NETO1: variants seen among roughly 807,000 people sequenced by gnomAD.
NETO1 encodes neuropilin and tolloid-like protein 1.
Under a neutral mutation model 61.3 loss-of-function variants are expected in NETO1, and 26 were observed. The ratio of observed to expected loss-of-function variants is 0.42; its 90% CI spans 0.31 to 0.59. The LOEUF (loss-of-function observed/expected upper bound fraction) is 0.59, where lower values mean the gene tolerates loss of function less well. Among genes scored for constraint, NETO1 ranks in the 20% least tolerant of loss-of-function variants. NETO1 has a pLI of 0.12. For synonymous variants in NETO1, 225 were observed against 225.8 expected, an observed-to-expected ratio of 1.00 and a Z score of 0.03; for missense variants, 531 against 662.8, an observed-to-expected ratio of 0.80 and a Z score of 2.18.
At chr18:72,805,394 T>C (rs919713087) in intron 4 of NETO1, among the ~76,000 whole-genome samples, 7 of 152,010 alleles carry the variant, frequency 4.6e-5, no homozygotes, top group Admixed American at 2.0e-4. Flanking sequence ...ACTAAAAGGG[T>C]TTTTTCTGGT....
chr18:72,756,108 AT>A lies in NETO1; in HGVS notation c.907del (p.Met303CysfsTer36). On this transcript the variant is annotated frameshift_variant, in exon 8 of 11. Coordinates refer to ENST00000327305, the MANE Select transcript of NETO1 (RefSeq NM_138966.5). LOFTEE classifies it high-confidence loss of function. ...EGNTFFCHSNMCINNTLVCNG... is the reference protein window; with the variant it reads ...EGNTFFCHSNXCINNTLVCNG... ...GCAGACCAAAGTATTATTAATACAC[AT>A]GTTACTATGGCAGAAGAATGTGTTG... The A allele has an allele frequency of 6.2e-7, 1 of 1,609,280 alleles. No homozygotes were observed. Among genetic ancestry groups the A allele is most frequent in the Non-Finnish European group, 8.5e-7 (1 of 1,176,050 alleles).
In NETO1 at chr18:72,750,052, T is replaced by G; in HGVS notation, c.1541+10A>C. The G allele has an allele frequency of 1.3e-6, 2 of 1,541,414 alleles. No individual in the cohort carries two copies. The highest frequency in any genetic ancestry group is 1.7e-6 in the Non-Finnish European group (2 of 1,144,194). On this transcript the variant is annotated intron_variant, in intron 9 of 10. Coordinates refer to ENST00000327305, the MANE Select transcript of NETO1 (RefSeq NM_138966.5). ...TTATAGTTGTCATCAAAAAATCTAT[T>G]GATACTGACCGCTGGACGGCTTTAT...
chr18:72,778,142 CCTT>C (rs2071618905), intron 7 of NETO1, among the ~76,000 whole-genome samples: 1 of 152,128 alleles, frequency 6.6e-6, no homozygotes, highest in Non-Finnish European at 1.5e-5. Flanking sequence ...TGGTTTTTCT[CCTT>C]CAACTCATTC....
intron 7 of NETO1, among the ~76,000 whole-genome samples, chr18:72,758,344 A>T (rs1188466923): frequency 6.8e-6 from 1 of 147,692 alleles, no homozygotes; most frequent in African/African-American, 2.5e-5. Context: ...CCAGTTAATT[A>T]GGAGTTAGCC....
intron 7 of NETO1, among the ~76,000 whole-genome samples, chr18:72,776,215 C>T (rs889727630): frequency 6.6e-6 from 1 of 152,104 alleles, no homozygotes; most frequent in African/African-American, 2.4e-5. Flanking sequence ...ACCTGAGGGA[C>T]GTCCTGGCTC....
chr18:72,748,946 A>C, intron 10 of NETO1, 68 bp downstream of exon 10: 1 of 955,390 alleles, frequency 1.0e-6, no homozygotes, highest in Non-Finnish European at 1.7e-6. Flanking sequence ...TCCCTAAAAA[A>C]CTACAAGACA....
At chr18:72,789,837 G>C (rs1318747208) in intron 6 of NETO1, among the ~76,000 whole-genome samples, 1 of 152,114 alleles carries the variant, frequency 6.6e-6, no homozygotes, top group Non-Finnish European at 1.5e-5. Context: ...AAGGGCTCGT[G>C]TGCTTAGATT....
Position 72,830,053 on chromosome 18 carries a change from A to G in NETO1, c.469+28773T>C, listed in dbSNP as rs2073523210. ...AAGATAAAGGGATTTGGGGTGGATC[A>G]TAGTGTGTGTCTGTGAGATTGCCTC... On this transcript the variant is annotated intron_variant, in intron 4 of 10. Transcript: ENST00000327305. This position sits in a 1 kb window ranked among gnomAD's most constrained non-coding sequence, Gnocchi z 4.9. Among the ~76,000 whole-genome samples the G allele has an allele frequency of 6.6e-6, 1 of 152,226 alleles. No individual in the cohort carries two copies. Among genetic ancestry groups the G allele is most frequent in the South Asian group, 2.1e-4 (1 of 4,828 alleles).
intron 7 of NETO1, among the ~76,000 whole-genome samples, chr18:72,758,904 T>C (rs143370903): frequency 4.5e-4 from 68 of 152,236 alleles, no homozygotes; most frequent in Non-Finnish European, 6.8e-4. Context: ...TACATACCTT[T>C]GGCAAAAATA....
intron 4 of NETO1, among the ~76,000 whole-genome samples, chr18:72,808,869 G>A (rs1394256329): frequency 6.6e-6 from 1 of 152,218 alleles, no homozygotes; most frequent in Non-Finnish European, 1.5e-5. Flanking sequence ...CATGGCAAGT[G>A]GAGGATCCAT....
intron 7 of NETO1, among the ~76,000 whole-genome samples, chr18:72,774,285 T>A (rs921685117): frequency 6.6e-6 from 1 of 152,168 alleles, no homozygotes; most frequent in Non-Finnish European, 1.5e-5. Context: ...AAACAAAGAA[T>A]AAGATTGGCT....
intron 6 of NETO1, among the ~76,000 whole-genome samples, chr18:72,784,533 C>A (rs1324462969): frequency 6.6e-6 from 1 of 152,072 alleles, no homozygotes; most frequent in Non-Finnish European, 1.5e-5. Context: ...ATGTACTGTG[C>A]AACTTGCTTT....
rs1260755354 is a variant in NETO1, at chr18:72,750,597, C to A, written c.1006G>T (p.Asp336Tyr). The stretch of plus-strand genomic sequence containing the variant: ...GTCCCACTGGTGTTGGTCAGCTGGT[C>A]CAGCAGGCTGGTTTTCCTCTTCTCT... ...CKEKRKTSLLDQLTNTSGTVI... is the reference protein window; with the variant it reads ...CKEKRKTSLLYQLTNTSGTVI... The change falls in exon 9 of 11, where the codon GAC becomes TAC. Residue 336 changes from aspartate (D) to tyrosine (Y), a missense_variant. Coordinates refer to ENST00000327305, the MANE Select transcript of NETO1 (RefSeq NM_138966.5). 11 of 1,607,144 alleles carry A rather than the reference C, an allele frequency of 6.8e-6. No individual in the cohort carries two copies. Among genetic ancestry groups the A allele is most frequent in the Non-Finnish European group, 9.3e-6 (11 of 1,178,648 alleles).
chr18:72,755,288 T>C (rs922605284), intron 8 of NETO1, among the ~76,000 whole-genome samples: 67 of 152,180 alleles, frequency 4.4e-4, no homozygotes, highest in Non-Finnish European at 1.8e-4. Flanking sequence ...TATGAAACAA[T>C]GAATACTGTG....
At chr18:72,794,459 G>C in intron 4 of NETO1, 55 bp from the exon 5 acceptor site, 1 of 1,515,032 alleles carries the variant, frequency 6.6e-7, no homozygotes, top group Non-Finnish European at 9.0e-7. Context: ...TACTTACAGT[G>C]AGTTTAAGTT....
intron 4 of NETO1, among the ~76,000 whole-genome samples, chr18:72,857,240 T>G (rs972796417): frequency 6.6e-5 from 10 of 152,216 alleles, no homozygotes; most frequent in African/African-American, 2.2e-4. Flanking sequence ...CTCCAAGAGT[T>G]CCGTTCTGAT....
chr18:72,852,462 G>T (rs192632522), intron 4 of NETO1, among the ~76,000 whole-genome samples: 1 of 152,288 alleles, frequency 6.6e-6, no homozygotes, highest in East Asian at 1.9e-4. Flanking sequence ...TGATCCGCCG[G>T]CTTCAACTTC....
chr18:72,799,621 G>A (rs1333824542), intron 4 of NETO1, among the ~76,000 whole-genome samples: 1 of 152,194 alleles, frequency 6.6e-6, no homozygotes, highest in Non-Finnish European at 1.5e-5. Context: ...AATGTCATGT[G>A]TACTTAGCAT....
At chr18:72,829,690 T>C (rs1000920819) in intron 4 of NETO1, among the ~76,000 whole-genome samples, 7 of 152,098 alleles carry the variant, frequency 4.6e-5, no homozygotes, top group Non-Finnish European at 1.0e-4. Context: ...TGAAAGAATA[T>C]GGAATAATAA....
Sources: gnomAD v4.1 joint callset for allele counts (sites outside exome capture counted in the v4.1 genomes callset) on GRCh38, gnomAD v4.1.1 for gene constraint, Gnocchi (gnomAD v3.1) non-coding constraint, MANE v1.5 for transcripts, NCBI Gene and HGNC (gene_info 2026-07-23, HGNC 2026-07-21) for gene names.